Variants in CRACDL observed in about 807,000 individuals in gnomAD.
The protein encoded by CRACDL is CRACD like, also known as CRACD-like protein.
CRACDL carries 26 observed loss-of-function variants against 70.6 expected under a neutral mutation model. The observed-to-expected ratio is 0.37, with a 90% CI of 0.27 to 0.51. The LOEUF is 0.51. Ranked by LOEUF, CRACDL falls within the 20% of genes least tolerant of loss-of-function variation. The pLI is 0.94. For synonymous variants in CRACDL, 618 were observed against 615.2 expected (o/e 1.00, Z -0.07); for missense variants, 1,283 against 1,376.9 (o/e 0.93, Z 1.08).
In CRACDL at chr2:98,816,726, G is replaced by C. The variant is rs149569919; in HGVS notation, c.2416+5131C>G. 3.7e-4 allele frequency among the ~76,000 whole-genome samples: 57 copies of C among 152,284 alleles called. No homozygotes were observed. The East Asian group carries it at 8.5e-3, about 23-fold the overall frequency. ...CATGGTTGAGGAGCAGAGGAAAGAG[G>C]CAGGGAAACAGAGGTTACAGTGTTG... On this transcript the variant is annotated intron_variant, in intron 7 of 9. Coordinates refer to ENST00000397899, the MANE Select transcript of CRACDL (RefSeq NM_207362.3).
At chr2:98,852,588 T>C (rs1706525663) in intron 1 of CRACDL, among the ~76,000 whole-genome samples, 1 of 151,956 alleles carries the variant, frequency 6.6e-6, no homozygotes, top group African/African-American at 2.4e-5. Flanking sequence ...AATGTAGCCA[T>C]AATATATAAA....
chr2:98,935,653 T>C (rs1709187110), intron 1 of CRACDL, among the ~76,000 whole-genome samples: 1 of 152,204 alleles, frequency 6.6e-6, no homozygotes, highest in African/African-American at 2.4e-5. Context: ...GCGCGTAAAC[T>C]GCTGGATTTG....
chr2:98,834,421 G>A (rs1514915), intron 3 of CRACDL, among the ~76,000 whole-genome samples: 148,335 of 152,344 alleles, frequency 0.97, 72,264 homozygotes, highest in Middle Eastern at 1. Context: ...CACGCTGCAT[G>A]CAGGCATCAC....
intron 4 of CRACDL, 58 bp from the exon 5 acceptor site, chr2:98,832,570 T>C: frequency 7.0e-7 from 1 of 1,436,534 alleles, no homozygotes; most frequent in Admixed American, 2.0e-5. Context: ...TATCAACAAA[T>C]CCTCCTGCTC....
intron 7 of CRACDL, among the ~76,000 whole-genome samples, chr2:98,821,366 T>C (rs902032189): frequency 1.3e-5 from 2 of 152,204 alleles, no homozygotes; most frequent in Non-Finnish European, 2.9e-5. Context: ...AAATTGTTTG[T>C]AGAACGACGT....
At chr2:98,907,434 G>A (rs1708442569) in intron 1 of CRACDL, among the ~76,000 whole-genome samples, 1 of 152,212 alleles carries the variant, frequency 6.6e-6, no homozygotes, top group Non-Finnish European at 1.5e-5. Context: ...GCCTCAAAGA[G>A]TTGTTCCCTG....
Position 98,929,435 on chromosome 2 carries a change from T to A in CRACDL, c.-11+6503A>T, listed in dbSNP as rs182471581. 6.2e-3 allele frequency among the ~76,000 whole-genome samples: 942 copies of A among 152,290 alleles called. 3 individuals are homozygous for A. Among genetic ancestry groups the A allele is most frequent in the Non-Finnish European group, 0.011 (740 of 68,024 alleles). On this transcript the variant is annotated intron_variant, in intron 1 of 9. Coordinates refer to ENST00000397899, the MANE Select transcript of CRACDL (RefSeq NM_207362.3). ...ACCAAGAGCCCAGAGAGCAGCCCAG[T>A]ATGCCTCAGACTCCAAGCAGCATCT...
intron 2 of CRACDL, among the ~76,000 whole-genome samples, chr2:98,845,156 T>C (rs1197503719): frequency 6.6e-6 from 1 of 152,058 alleles, no homozygotes; most frequent in African/African-American, 2.4e-5. Context: ...TACTCTGTTG[T>C]CTCTCCAGGT....
intron 1 of CRACDL, among the ~76,000 whole-genome samples, chr2:98,912,335 G>A (rs374669535): frequency 3.9e-5 from 6 of 152,344 alleles, no homozygotes; most frequent in African/African-American, 1.4e-4. Flanking sequence ...CTGGGGGTAG[G>A]TGAAGGCACT....
chr2:98,889,287 GAA>G (rs1432954183), intron 1 of CRACDL, among the ~76,000 whole-genome samples: 10 of 21,512 alleles, frequency 4.6e-4, no homozygotes, highest in Admixed American at 2.1e-3. Context: ...AAAAGAGAGA[GAA>G]AGAAAGAAAG....
chr2:98,929,603 A>G (rs1049554227), intron 1 of CRACDL, among the ~76,000 whole-genome samples: 1 of 152,086 alleles, frequency 6.6e-6, no homozygotes, highest in Non-Finnish European at 1.5e-5. Context: ...ACAGACCCAC[A>G]CCTGGTCCCA....
At chr2:98,834,580 A>T (rs960175166) in intron 3 of CRACDL, among the ~76,000 whole-genome samples, 3 of 152,268 alleles carry the variant, frequency 2.0e-5, no homozygotes, top group Non-Finnish European at 4.4e-5. Flanking sequence ...AAGAATAAAT[A>T]ACAAATAAAT....
intron 2 of CRACDL, among the ~76,000 whole-genome samples, chr2:98,842,385 AATT>A (rs1361773155): frequency 6.6e-6 from 1 of 151,896 alleles, no homozygotes; most frequent in African/African-American, 2.4e-5. Context: ...ATAAAATTTT[AATT>A]ATTACATTTA....
chr2:98,932,762 T>C (rs1709110789), intron 1 of CRACDL, among the ~76,000 whole-genome samples: 1 of 152,202 alleles, frequency 6.6e-6, no homozygotes, highest in South Asian at 2.1e-4. Context: ...AATACAGAGA[T>C]ATTTTAAACT....
At chr2:98,821,063 G>A (rs922799596) in intron 7 of CRACDL, among the ~76,000 whole-genome samples, 5 of 152,188 alleles carry the variant, frequency 3.3e-5, no homozygotes, top group South Asian at 2.1e-4. Context: ...TGAGGGATTC[G>A]CTGAGAGTCC....
intron 6 of CRACDL, 35 bp downstream of exon 6, chr2:98,826,940 G>A (rs1421469646): frequency 6.4e-7 from 1 of 1,559,722 alleles, no homozygotes; most frequent in Non-Finnish European, 8.7e-7. Context: ...AAGCCTGCCT[G>A]GCCTGCCTCT....
intron 1 of CRACDL, among the ~76,000 whole-genome samples, chr2:98,913,712 C>G (rs1008145758): frequency 6.6e-6 from 1 of 152,094 alleles, no homozygotes; most frequent in Non-Finnish European, 1.5e-5. Context: ...AAAGCCCTAG[C>G]AAATGTACAT....
chr2:98,912,174 C>T (rs903258677), intron 1 of CRACDL, among the ~76,000 whole-genome samples: 1 of 152,188 alleles, frequency 6.6e-6, no homozygotes, highest in African/African-American at 2.4e-5. Context: ...GCAGGAAAGG[C>T]GCAAGGGCAA....
chr2:98,932,627 C>T (rs529828919), intron 1 of CRACDL, among the ~76,000 whole-genome samples: 2 of 152,286 alleles, frequency 1.3e-5, no homozygotes, highest in East Asian at 1.9e-4. Flanking sequence ...CCCGCAACGC[C>T]GCTGCCAGCT....
Sources: allele counts gnomAD v4.1 joint callset (sites outside exome capture counted in the v4.1 genomes callset), GRCh38; gene constraint gnomAD v4.1.1; transcripts MANE v1.5; gene names NCBI Gene and HGNC (gene_info 2026-07-23, HGNC 2026-07-21).